The following NEGR1 variants were observed in gnomAD, a reference collection of about 807,000 sequenced individuals.
NEGR1 encodes the protein IgLON family member 4.
A neutral mutation model predicts 40.9 loss-of-function variants in NEGR1; 10 were observed. The ratio of observed to expected loss-of-function variants is 0.24; its 90% CI spans 0.15 to 0.42. The LOEUF is 0.42. NEGR1 is among the 10% of genes least tolerant of loss of function. The pLI is 1.00. For missense variants in NEGR1, 352 were observed against 438.9 expected, an observed-to-expected ratio of 0.80 and a Z score of 1.77; for synonymous variants, 185 against 166.8, an observed-to-expected ratio of 1.11 and a Z score of -0.84.
At chr1:71,625,203 A>G (rs1650731391) in intron 4 of NEGR1, among the ~76,000 whole-genome samples, 1 of 152,058 alleles carries the variant, frequency 6.6e-6, no homozygotes, top group South Asian at 2.1e-4. Context: ...GAAATAATGC[A>G]AAGTCTGCAT....
intron 1 of NEGR1, among the ~76,000 whole-genome samples, chr1:72,009,637 G>A (rs749311859): frequency 2.7e-4 from 41 of 151,970 alleles, no homozygotes; most frequent in Non-Finnish European, 5.1e-4. Context: ...GACAGTTTAC[G>A]TGTAACCTAA....
At chr1:72,023,958 C>G (rs1646782930) in intron 1 of NEGR1, among the ~76,000 whole-genome samples, 1 of 152,108 alleles carries the variant, frequency 6.6e-6, no homozygotes. Context: ...TAGCTTACAA[C>G]TGGAGTGTAT....
chr1:71,615,799 T>G (rs540524156), intron 4 of NEGR1, among the ~76,000 whole-genome samples: 3 of 152,318 alleles, frequency 2.0e-5, no homozygotes, highest in Admixed American at 2.0e-4. Context: ...TTGTCTGTTG[T>G]GTGGAACATG....
intron 6 of NEGR1, among the ~76,000 whole-genome samples, chr1:71,480,596 G>A (rs919533493): frequency 1.3e-5 from 2 of 151,820 alleles, no homozygotes; most frequent in Admixed American, 6.6e-5. Flanking sequence ...CATATTTACT[G>A]AGTTAATGAA....
chr1:71,848,155 T>C (rs1451641217), intron 2 of NEGR1, among the ~76,000 whole-genome samples: 2 of 152,124 alleles, frequency 1.3e-5, no homozygotes, highest in Non-Finnish European at 2.9e-5. Flanking sequence ...TGGAAGCTAA[T>C]AGAGGTTGGT....
intron 5 of NEGR1, among the ~76,000 whole-genome samples, chr1:71,601,839 A>G (rs1649929720): frequency 6.6e-6 from 1 of 152,132 alleles, no homozygotes; most frequent in Non-Finnish European, 1.5e-5. Context: ...GGGATGAAAA[A>G]TTACTTATTG....
chr1:72,160,762 G>A (rs1042474447), intron 1 of NEGR1, among the ~76,000 whole-genome samples: 14 of 152,016 alleles, frequency 9.2e-5, no homozygotes, highest in Non-Finnish European at 1.0e-4. Context: ...TATGTAACAG[G>A]GCATTCCTTT....
At chr1:72,272,923 C>G (rs2100560646) in intron 1 of NEGR1, among the ~76,000 whole-genome samples, 1 of 152,084 alleles carries the variant, frequency 6.6e-6, no homozygotes, top group South Asian at 2.1e-4. Context: ...ATTCTGGCAA[C>G]ACTGCCAAAT....
At chr1:71,995,567 G>A (rs1439625528) in intron 1 of NEGR1, among the ~76,000 whole-genome samples, 1 of 152,006 alleles carries the variant, frequency 6.6e-6, no homozygotes, top group Non-Finnish European at 1.5e-5. Flanking sequence ...CTGTACTTAA[G>A]GATTAACTGA....
At chr1:72,159,333 A>C (rs1651472612) in intron 1 of NEGR1, among the ~76,000 whole-genome samples, 1 of 152,176 alleles carries the variant, frequency 6.6e-6, no homozygotes, top group African/African-American at 2.4e-5. Flanking sequence ...AAACCACGTA[A>C]GTCTTGGTTG....
intron 4 of NEGR1, among the ~76,000 whole-genome samples, chr1:71,619,139 A>C (rs1317982687): frequency 6.6e-6 from 1 of 152,158 alleles, no homozygotes; most frequent in Non-Finnish European, 1.5e-5. Flanking sequence ...TGACTAGTTA[A>C]ATCTCCAACT....
rs941859837 is a variant in NEGR1 at position 71,928,451 on chromosome 1, T to G, written c.409+6628A>C. ...ATGTATATATACACATATATATGTA[T>G]ATATACACACATACTTATATATACA... On this transcript the variant is annotated intron_variant, in intron 2 of 6. Coordinates refer to ENST00000357731, the MANE Select transcript of NEGR1 (RefSeq NM_173808.3). Among the ~76,000 whole-genome samples, 6 of 138,752 alleles carry G rather than the reference T, an allele frequency of 4.3e-5. 1 individual carries two copies. The highest frequency in any genetic ancestry group is 1.1e-4 in the African/African-American group (4 of 37,670). The allele number at this position is 138,752 out of a possible 152,430, so 91.0% of individuals were successfully genotyped here.
chr1:71,467,111 A>T (rs566393926), intron 6 of NEGR1, among the ~76,000 whole-genome samples: 1 of 152,236 alleles, frequency 6.6e-6, no homozygotes, highest in South Asian at 2.1e-4. Flanking sequence ...AAGTTAAATG[A>T]ATGAAAAATA....
At chr1:72,170,902 C>T (rs1651939286) in intron 1 of NEGR1, among the ~76,000 whole-genome samples, 4 of 152,136 alleles carry the variant, frequency 2.6e-5, no homozygotes, top group Admixed American at 2.6e-4. Context: ...ATGCTTTGTT[C>T]TCAATGTTTT....
At chr1:71,411,994 C>G (rs1646325678) in intron 6 of NEGR1, among the ~76,000 whole-genome samples, 3 of 151,832 alleles carry the variant, frequency 2.0e-5, no homozygotes, top group South Asian at 2.1e-4. Context: ...GAGTGAGACT[C>G]TGTCTAAAAA....
chr1:71,763,070 C>G (rs1655999691), intron 3 of NEGR1, among the ~76,000 whole-genome samples: 1 of 152,050 alleles, frequency 6.6e-6, no homozygotes, highest in Non-Finnish European at 1.5e-5. Flanking sequence ...ATGTATGTAA[C>G]TATAAGGAAA....
At chr1:71,698,323 C>G (rs879252255) in intron 3 of NEGR1, among the ~76,000 whole-genome samples, 184 bp from the exon 4 acceptor site, 1 of 151,884 alleles carries the variant, frequency 6.6e-6, no homozygotes, top group Non-Finnish European at 1.5e-5. Flanking sequence ...AGAAGCAGAA[C>G]GAGGTATATT....
chr1:71,617,323 G>C (rs897844697), intron 4 of NEGR1, among the ~76,000 whole-genome samples: 19 of 152,218 alleles, frequency 1.2e-4, no homozygotes, highest in African/African-American at 4.6e-4. Flanking sequence ...AGGATATTAA[G>C]GCACGATTGT....
intron 4 of NEGR1, among the ~76,000 whole-genome samples, chr1:71,625,105 A>T (rs1376409487): frequency 5.9e-5 from 9 of 152,062 alleles, no homozygotes; most frequent in Non-Finnish European, 1.3e-4. Context: ...AAAAGATGTC[A>T]TAATTTCATT....
Sources: gnomAD v4.1 joint callset for allele counts (sites outside exome capture counted in the v4.1 genomes callset) on GRCh38, gnomAD v4.1.1 for gene constraint, MANE v1.5 for transcripts, NCBI Gene and HGNC (gene_info 2026-07-23, HGNC 2026-07-21) for gene names.